Variants in HHAT observed in about 807,000 individuals in gnomAD.
HHAT encodes hedgehog acyltransferase.
A neutral mutation model predicts 70.8 loss-of-function variants in HHAT; 47 were observed. That is an observed-to-expected ratio of 0.66 (90% CI 0.53 to 0.85). HHAT has a LOEUF of 0.85. HHAT is among the 40% of genes least tolerant of loss of function. The pLI, the probability that HHAT is intolerant of heterozygous loss-of-function variation, is 0.00. For synonymous variants in HHAT, 228 were observed against 247.6 expected, an observed-to-expected ratio of 0.92 and a Z score of 0.74; for missense variants, 609 against 604.8, an observed-to-expected ratio of 1.01 and a Z score of -0.07.
rs201821886 is a variant in HHAT at position 210,348,963 on chromosome 1, G to T, written c.-13G>T. The stretch of plus-strand genomic sequence containing the variant: ...CTCAGCGTAGGCATCGGGAACCTTC[G>T]TGCCAAGGAGCCATGCTGCCCCGAT... On this transcript the variant is annotated 5_prime_UTR_variant, in exon 2 of 12. Coordinates refer to ENST00000261458, the MANE Select transcript of HHAT (RefSeq NM_018194.6). 1 of 1,613,006 alleles carries T rather than the reference G, an allele frequency of 6.2e-7. No individual in the cohort carries two copies. Among genetic ancestry groups the T allele is most frequent in the African/African-American group, 1.3e-5 (1 of 74,834 alleles).
At chr1:210,629,766 T>C (rs941990157) in intron 11 of HHAT, among the ~76,000 whole-genome samples, 1 of 152,172 alleles carries the variant, frequency 6.6e-6, no homozygotes, top group Admixed American at 6.5e-5. Flanking sequence ...ACCATGTTTC[T>C]TCATCTCTCT....
At chr1:210,489,601 T>C (rs953409109) in intron 8 of HHAT, among the ~76,000 whole-genome samples, 48 of 152,216 alleles carry the variant, frequency 3.2e-4, no homozygotes, top group African/African-American at 1.0e-3. Flanking sequence ...CTTTTGGTCA[T>C]GTTCTCTTCC....
intron 2 of HHAT, among the ~76,000 whole-genome samples, chr1:210,349,965 A>AG (rs1461405592): frequency 6.6e-6 from 1 of 152,148 alleles, no homozygotes; most frequent in African/African-American, 2.4e-5. Context: ...GGACTACAGG[A>AG]GTGCACCACC....
intron 8 of HHAT, among the ~76,000 whole-genome samples, chr1:210,508,723 A>G (rs1277085958): frequency 6.6e-6 from 1 of 152,178 alleles, no homozygotes; most frequent in Admixed American, 6.5e-5. Flanking sequence ...CATTTTATAT[A>G]TGTTCACTCA....
rs541795412 is a variant in HHAT at position 210,336,287 on chromosome 1, A to ATTTTTTTTTTTTTTTT, written c.-44+7191_-44+7206dup. Among the ~76,000 whole-genome samples the ATTTTTTTTTTTTTTTT allele has an allele frequency of 6.2e-3, 526 of 84,574 alleles. 59 individuals carry two copies. Among genetic ancestry groups the ATTTTTTTTTTTTTTTT allele is most frequent in the South Asian group, 0.017 (38 of 2,274 alleles). 55.5% of individuals were successfully genotyped at this position (84,574 alleles called of 152,430 possible). On this transcript the variant is annotated intron_variant, in intron 1 of 11. Transcript: ENST00000261458. ...AGGCATGCACCACTGTGCCTGGCTA[A>ATTTTTTTTTTTTTTTT]TTTTTTTTTTTTTTTTTTTTTTTAG...
chr1:210,610,183 C>T (rs1666301036), intron 10 of HHAT, among the ~76,000 whole-genome samples: 1 of 152,158 alleles, frequency 6.6e-6, no homozygotes, highest in African/African-American at 2.4e-5. Flanking sequence ...TTGCCAGCAT[C>T]TGTTCTTTTG....
At chr1:210,596,586 T>A (rs991548287) in intron 10 of HHAT, among the ~76,000 whole-genome samples, 1 of 152,038 alleles carries the variant, frequency 6.6e-6, no homozygotes, top group African/African-American at 2.4e-5. Context: ...TTCTGCTTGA[T>A]CAGTTCTGCT....
chr1:210,420,685 A>C (rs1045400562), intron 7 of HHAT, among the ~76,000 whole-genome samples: 1 of 152,060 alleles, frequency 6.6e-6, no homozygotes, highest in East Asian at 1.9e-4. Context: ...CAAAAAAAAA[A>C]ACAAAGAAAT....
chr1:210,642,760 A>G (rs183621555), intron 11 of HHAT, among the ~76,000 whole-genome samples: 1 of 152,058 alleles, frequency 6.6e-6, no homozygotes, highest in African/African-American at 2.4e-5. Context: ...TGTTGGTTTT[A>G]TATGTTGTAA....
intron 7 of HHAT, among the ~76,000 whole-genome samples, chr1:210,441,151 G>A (rs541515778): frequency 1.3e-5 from 2 of 152,336 alleles, no homozygotes; most frequent in East Asian, 3.9e-4. Flanking sequence ...CCTATTCAAA[G>A]TGCAGAGGAA....
intron 11 of HHAT, among the ~76,000 whole-genome samples, chr1:210,647,829 A>G (rs1370280113): frequency 6.6e-6 from 1 of 152,256 alleles, no homozygotes; most frequent in Non-Finnish European, 1.5e-5. Context: ...TCATTTACTT[A>G]AAATGCTATA....
intron 8 of HHAT, among the ~76,000 whole-genome samples, chr1:210,478,856 A>G (rs2094347233): frequency 6.6e-6 from 1 of 152,102 alleles, no homozygotes; most frequent in South Asian, 2.1e-4. Flanking sequence ...ATGTGTCATG[A>G]AATGTTTTTC....
At chr1:210,653,658 CAG>C (rs1675667516) in intron 11 of HHAT, among the ~76,000 whole-genome samples, 2 of 151,910 alleles carry the variant, frequency 1.3e-5, no homozygotes, top group Non-Finnish European at 1.5e-5. Flanking sequence ...AGGGATTAGA[CAG>C]AGGAGTGAGG....
intron 11 of HHAT, among the ~76,000 whole-genome samples, chr1:210,623,975 C>G (rs192036667): frequency 1.3e-3 from 198 of 152,234 alleles, no homozygotes; most frequent in Non-Finnish European, 2.4e-3. Context: ...TTTGATATTT[C>G]TTAATCTTTC....
At chr1:210,658,333 C>A (rs1334086388) in intron 11 of HHAT, among the ~76,000 whole-genome samples, 1 of 151,462 alleles carries the variant, frequency 6.6e-6, no homozygotes, top group East Asian at 1.9e-4. Context: ...CTCTTGACAT[C>A]ACTCTTCTAA....
At chr1:210,438,235 CT>C (rs1470682340) in intron 7 of HHAT, among the ~76,000 whole-genome samples, 1 of 151,586 alleles carries the variant, frequency 6.6e-6, no homozygotes, top group African/African-American at 2.4e-5. Context: ...GGAATGCTTC[CT>C]GATATTGTGG....
chr1:210,502,950 A>T (rs1387494547), intron 8 of HHAT, among the ~76,000 whole-genome samples: 1 of 150,862 alleles, frequency 6.6e-6, no homozygotes, highest in East Asian at 1.9e-4. Context: ...TGTACTCAAT[A>T]TACTGTCTAT....
At chr1:210,522,119 A>G (rs1190873770) in intron 9 of HHAT, among the ~76,000 whole-genome samples, 2 of 152,234 alleles carry the variant, frequency 1.3e-5, no homozygotes, top group Non-Finnish European at 2.9e-5. Flanking sequence ...TAATAGTGAT[A>G]TAAAAAGTGA....
chr1:210,628,123 G>C (rs1216352987), intron 11 of HHAT, among the ~76,000 whole-genome samples: 1 of 152,138 alleles, frequency 6.6e-6, no homozygotes, highest in Non-Finnish European at 1.5e-5. Flanking sequence ...AACCAGCTGT[G>C]ACCTAAGCAT....
Sources: allele counts gnomAD v4.1 joint callset (sites outside exome capture counted in the v4.1 genomes callset), GRCh38; gene constraint gnomAD v4.1.1; transcripts MANE v1.5; gene names NCBI Gene and HGNC (gene_info 2026-07-23, HGNC 2026-07-21).